Variants in ABI3BP observed in about 807,000 individuals in gnomAD.
ABI3BP encodes target of Nesh-SH3.
In ABI3BP, 216 loss-of-function variants were observed where a neutral mutation model predicts 268.6. That is an observed-to-expected ratio of 0.80 (90% CI 0.72 to 0.90). The LOEUF (loss-of-function observed/expected upper bound fraction) is 0.90. ABI3BP is among the 40% of genes least tolerant of loss of function. The pLI is 0.00. For synonymous variants in ABI3BP, 730 were observed against 730.0 expected, an observed-to-expected ratio of 1.00 and a Z score of 0.00; for missense variants, 2,090 against 2,182.4, an observed-to-expected ratio of 0.96 and a Z score of 0.84.
At chr3:100,966,193 C>A (rs905664582) in intron 1 of ABI3BP, among the ~76,000 whole-genome samples, 16 of 152,190 alleles carry the variant, frequency 1.1e-4, no homozygotes, top group African/African-American at 3.9e-4. Context: ...AAATAGAAAA[C>A]CATGACTTCA....
Position 100,834,716 on chromosome 3 carries a change from G to C in ABI3BP, c.2249C>G (p.Thr750Arg). The C allele has an allele frequency of 6.5e-7, 1 of 1,535,714 alleles. No individual in the cohort carries two copies. The highest frequency in any genetic ancestry group is 8.7e-7 in the Non-Finnish European group (1 of 1,146,546). The change falls in exon 29 of 68, where the codon ACG becomes AGG. Residue 750 changes from threonine to arginine, a missense_variant. By Grantham distance (71) the Thr-to-Arg change is moderately conservative (BLOSUM62 -1). Coordinates refer to ENST00000471714, the MANE Select transcript of ABI3BP (RefSeq NM_001375547.2). ...TRRPRPKHKT[T>R]PRPETLQTKL... ...GGTCTGCAGTGTCTCTGGGCGTGGCGTGGTTTTATGTTTGGGACGTGGACG... is the reference window on the plus strand; with the variant it reads ...GGTCTGCAGTGTCTCTGGGCGTGGCCTGGTTTTATGTTTGGGACGTGGACG...
intron 14 of ABI3BP, among the ~76,000 whole-genome samples, chr3:100,856,179 T>C (rs2098937752): frequency 6.6e-6 from 1 of 152,184 alleles, no homozygotes; most frequent in Non-Finnish European, 1.5e-5. Context: ...TAAATGAGCA[T>C]GTCCTTATAT....
chr3:100,751,652 A>G lies in ABI3BP; in HGVS notation c.5145T>C (p.Asp1715=). ...SLTGKFYNIG[D]QRGHGEDHCQ... is the part of the protein sequence containing the mutation. Reference sequence around the variant, plus strand: ...AGTGATCTTCTCCATGGCCCCTCTGATCACCTATGTTATAAAATTTTCCTG... The same window carrying G: ...AGTGATCTTCTCCATGGCCCCTCTGGTCACCTATGTTATAAAATTTTCCTG... Residue 1715 remains aspartate, a synonymous_variant, in exon 67 of 68, where the codon GAT becomes GAC. Coordinates refer to ENST00000471714, the MANE Select transcript of ABI3BP (RefSeq NM_001375547.2). The G allele has an allele frequency of 1.2e-6, 2 of 1,603,942 alleles. No individual in the cohort carries two copies. Among genetic ancestry groups the G allele is most frequent in the East Asian group, 4.5e-5 (2 of 44,662 alleles).
chr3:100,949,157 A>G (rs2073845233), intron 1 of ABI3BP, among the ~76,000 whole-genome samples: 1 of 152,168 alleles, frequency 6.6e-6, no homozygotes, highest in African/African-American at 2.4e-5. Flanking sequence ...CAATTAATTC[A>G]TTGGGAATTT....
chr3:100,862,252 A>G, intron 14 of ABI3BP, 59 bp downstream of exon 14: 1 of 1,152,292 alleles, frequency 8.7e-7, no homozygotes. Flanking sequence ...CTATAAAAAC[A>G]ATAAGTTACT....
intron 18 of ABI3BP, among the ~76,000 whole-genome samples, chr3:100,848,529 T>C (rs1328233394): frequency 2.6e-5 from 4 of 151,794 alleles, no homozygotes; most frequent in Non-Finnish European, 2.9e-5. Context: ...TTGAGTGCAG[T>C]GTGCTATTAT....
chr3:100,851,859 G>C lies in ABI3BP; in HGVS notation c.1351+16C>G. 1 of 1,570,846 alleles carries C rather than the reference G, an allele frequency of 6.4e-7. No individual in the cohort carries two copies. The highest frequency in any genetic ancestry group is 1.2e-5 in the South Asian group (1 of 82,514). On this transcript the variant is annotated intron_variant, in intron 15 of 67. Transcript: ENST00000471714. Reference sequence around the variant, plus strand: ...ACACCTGGGATCCAAAGACAGAATTGAGAGGCCAGATATACCTGTGTAGGA... The same window carrying C: ...ACACCTGGGATCCAAAGACAGAATTCAGAGGCCAGATATACCTGTGTAGGA...
intron 55 of ABI3BP, among the ~76,000 whole-genome samples, chr3:100,790,429 T>C (rs1168592328): frequency 6.6e-6 from 1 of 152,036 alleles, no homozygotes; most frequent in Non-Finnish European, 1.5e-5. Context: ...TACATCATTT[T>C]AATGATTTTA....
At chr3:100,955,002 C>T (rs75692983) in intron 1 of ABI3BP, among the ~76,000 whole-genome samples, 1 of 123,616 alleles carries the variant, frequency 8.1e-6, no homozygotes. Context: ...TTTTTTTTTA[C>T]GAATCATAAA....
At chr3:100,886,977 A>C (rs2042270635) in intron 4 of ABI3BP, among the ~76,000 whole-genome samples, 1 of 152,042 alleles carries the variant, frequency 6.6e-6, no homozygotes, top group Non-Finnish European at 1.5e-5. Context: ...ATATGTGTAA[A>C]ATAATCCTTA....
chr3:100,883,933 A>C (rs1355902838), intron 6 of ABI3BP, among the ~76,000 whole-genome samples: 1 of 152,100 alleles, frequency 6.6e-6, no homozygotes, highest in Non-Finnish European at 1.5e-5. Flanking sequence ...ATAATCATGC[A>C]CTTAGATCAT....
chr3:100,972,913 A>T (rs2084342918), intron 1 of ABI3BP, among the ~76,000 whole-genome samples: 2 of 152,204 alleles, frequency 1.3e-5, no homozygotes, highest in African/African-American at 4.8e-5. Context: ...AATGGAGAAA[A>T]ATCTGAGTCA....
chr3:100,911,858 C>G lies in ABI3BP; in HGVS notation c.260-9172G>C, dbSNP rs567027962. The G allele has an allele frequency of 8.1e-6, 13 of 1,600,094 alleles. No homozygotes were observed. In the South Asian group the frequency reaches 1.4e-4, roughly 18 times the overall value. ...TTTTGTGAAGCAGCCTCTCTCTAAACGTCATGATCTGATCTGAATGACGAC... is the reference window on the plus strand; with the variant it reads ...TTTTGTGAAGCAGCCTCTCTCTAAAGGTCATGATCTGATCTGAATGACGAC... On this transcript the variant is annotated intron_variant, in intron 2 of 67. Transcript: ENST00000471714.
At chr3:100,774,953 A>G (rs1269871881) in intron 60 of ABI3BP, among the ~76,000 whole-genome samples, 1 of 152,234 alleles carries the variant, frequency 6.6e-6, no homozygotes, top group Admixed American at 6.5e-5. Context: ...GTGATTTAGT[A>G]GTAGCATTAG....
chr3:100,853,613 T>C (rs1307210391), intron 14 of ABI3BP, among the ~76,000 whole-genome samples: 1 of 152,224 alleles, frequency 6.6e-6, no homozygotes, highest in African/African-American at 2.4e-5. Context: ...ATTGGACCAA[T>C]TTTCCTATAG....
chr3:100,847,649 ATTGTTCCGGCAC>A lies in ABI3BP; in HGVS notation c.1589_1600del (p.Ser530_Thr533del). 6.2e-7 allele frequency: 1 copy of A among 1,613,680 alleles called. No individual in the cohort carries two copies. The highest frequency in any genetic ancestry group is 8.5e-7 in the Non-Finnish European group (1 of 1,179,632). Reference sequence around the variant, plus strand: ...AGGGCTTTTAGAAATTTTAGGTGTAATTGTTCCGGCACTTGTGGTTCTTTCTGGTGATGGAAA... The same window carrying A: ...AGGGCTTTTAGAAATTTTAGGTGTAATTGTGGTTCTTTCTGGTGATGGAAA... On this transcript the variant is annotated inframe_deletion, in exon 19 of 68. Coordinates refer to ENST00000471714, the MANE Select transcript of ABI3BP (RefSeq NM_001375547.2).
chr3:100,965,539 A>G (rs1055635075), intron 1 of ABI3BP, among the ~76,000 whole-genome samples: 5 of 152,024 alleles, frequency 3.3e-5, no homozygotes, highest in Admixed American at 2.6e-4. Context: ...TATTCAATTA[A>G]CCATCAGAAG....
At chr3:100,958,901 A>G (rs2077786269) in intron 1 of ABI3BP, among the ~76,000 whole-genome samples, 1 of 152,238 alleles carries the variant, frequency 6.6e-6, no homozygotes, top group African/African-American at 2.4e-5. Flanking sequence ...GGTTACTTAC[A>G]GAAAAGATCG....
chr3:100,932,168 C>A (rs764632545), intron 1 of ABI3BP, among the ~76,000 whole-genome samples: 6 of 152,006 alleles, frequency 3.9e-5, no homozygotes, highest in Non-Finnish European at 7.4e-5. Context: ...AAGATTGAAG[C>A]TGGATCCCTT....
Sources: gnomAD v4.1 joint callset for allele counts (sites outside exome capture counted in the v4.1 genomes callset) on GRCh38, gnomAD v4.1.1 for gene constraint, MANE v1.5 for transcripts, NCBI Gene and HGNC (gene_info 2026-07-23, HGNC 2026-07-21) for gene names.